Variants in GPHN observed in about 807,000 individuals in gnomAD.
The protein encoded by GPHN is gephyrin.
A neutral mutation model predicts 95.5 loss-of-function variants in GPHN; 17 were observed. The observed-to-expected ratio is 0.18, with a 90% CI of 0.12 to 0.27. GPHN has a LOEUF of 0.27. GPHN is among the 10% of genes least tolerant of loss of function. The pLI, the probability that GPHN is intolerant of heterozygous loss-of-function variation, is 1.00. For synonymous variants in GPHN, 320 were observed against 322.5 expected, an observed-to-expected ratio of 0.99 and a Z score of 0.08; for missense variants, 660 against 978.1, an observed-to-expected ratio of 0.67 and a Z score of 4.34.
chr14:67,700,071 C>T, the GPHN span, among the ~76,000 whole-genome samples: 6 of 150,858 alleles, frequency 4.0e-5, no homozygotes, highest in Non-Finnish European at 8.8e-5. Flanking sequence ...ACCTGGGAGG[C>T]GGAGGTTGCA....
At chr14:67,651,297 G>A in the GPHN span, 3 of 1,604,174 alleles carry the variant, frequency 1.9e-6, no homozygotes, top group Non-Finnish European at 1.7e-6. Flanking sequence ...TCAGCCCACA[G>A]CAGCAATATG....
At chr14:67,013,867 A>C (rs1247206363) in intron 9 of GPHN, among the ~76,000 whole-genome samples, 1 of 152,080 alleles carries the variant, frequency 6.6e-6, no homozygotes, top group African/African-American at 2.4e-5. Flanking sequence ...TCAGTATTTC[A>C]AACTTCATGC....
chr14:67,157,428 G>A (rs1485213605), intron 18 of GPHN, among the ~76,000 whole-genome samples: 5 of 152,160 alleles, frequency 3.3e-5, no homozygotes, highest in Non-Finnish European at 7.3e-5. Flanking sequence ...GAGTTCAGAG[G>A]AGGCTGAGAA....
intron 2 of GPHN, among the ~76,000 whole-genome samples, chr14:66,727,175 T>A (rs963107419): frequency 1.3e-5 from 2 of 152,204 alleles, no homozygotes; most frequent in African/African-American, 4.8e-5. Flanking sequence ...GCTGCCATCT[T>A]AGTAAGACGT....
intron 5 of GPHN, among the ~76,000 whole-genome samples, chr14:66,905,740 T>G (rs2065347647): frequency 6.6e-6 from 1 of 152,108 alleles, no homozygotes; most frequent in African/African-American, 2.4e-5. Context: ...CTCTCATACC[T>G]TGGTAGTCCC....
chr14:67,074,677 G>A (rs2076428594), intron 11 of GPHN, among the ~76,000 whole-genome samples: 1 of 152,134 alleles, frequency 6.6e-6, no homozygotes, highest in African/African-American at 2.4e-5. Flanking sequence ...AGAAACCTAG[G>A]CCGCTGGTGC....
At chr14:67,647,937 T>C in the GPHN span, 1 of 1,063,424 alleles carries the variant, frequency 9.4e-7, no homozygotes, top group African/African-American at 1.6e-5. Context: ...AACAAAGTAC[T>C]AGGACTAATA....
the GPHN span, chr14:67,279,652 C>G: frequency 9.7e-7 from 1 of 1,033,180 alleles, no homozygotes; most frequent in East Asian, 2.7e-5. Flanking sequence ...AGTTTGAATT[C>G]CAGACCAAGA....
the GPHN span, among the ~76,000 whole-genome samples, chr14:67,574,621 A>G: frequency 6.6e-5 from 10 of 152,342 alleles, no homozygotes; most frequent in Admixed American, 1.3e-4. The surrounding 1 kb of genome is among the most constrained non-coding windows in gnomAD (Gnocchi z 4.2). Context: ...TGGAACAACT[A>G]TTCTCAAGAA....
At chr14:66,525,298 T>G (rs912519168) in intron 1 of GPHN, among the ~76,000 whole-genome samples, 4 of 152,244 alleles carry the variant, frequency 2.6e-5, no homozygotes, top group Non-Finnish European at 4.4e-5. Flanking sequence ...TGTCTTCTTT[T>G]GAGAAGTGTC....
At chr14:66,713,666 G>A (rs184449744) in intron 2 of GPHN, among the ~76,000 whole-genome samples, 1 of 151,728 alleles carries the variant, frequency 6.6e-6, no homozygotes, top group East Asian at 1.9e-4. Flanking sequence ...CTAATTTGGT[G>A]AAGAATGATG....
rs1268915230 is a variant in GPHN, at chr14:66,822,749, A to G, written c.202-1725A>G. Among the ~76,000 whole-genome samples, 3 of 152,212 alleles carry G rather than the reference A, an allele frequency of 2.0e-5. No homozygotes were observed. In the East Asian group the frequency reaches 5.8e-4, roughly 29 times the overall value. ...TTAATACTGAAAGTTGGTATTTGAT[A>G]TAGATAAACATTTTGGTGTTGAGAT... On this transcript the variant is annotated intron_variant, in intron 3 of 22. Transcript: ENST00000478722.
At chr14:66,768,952 G>C (rs2059062885) in intron 2 of GPHN, among the ~76,000 whole-genome samples, 1 of 151,906 alleles carries the variant, frequency 6.6e-6, no homozygotes, top group African/African-American at 2.4e-5. Flanking sequence ...TTGTCTGCTA[G>C]GATCATTAGA....
At chr14:67,640,194 A>G in the GPHN span, among the ~76,000 whole-genome samples, 4 of 151,992 alleles carry the variant, frequency 2.6e-5, no homozygotes, top group Non-Finnish European at 5.9e-5. Context: ...GCCTGTTGTC[A>G]TATTTTTCTC....
the GPHN span, among the ~76,000 whole-genome samples, chr14:67,594,127 C>A: frequency 6.6e-6 from 1 of 152,278 alleles, no homozygotes; most frequent in Non-Finnish European, 1.5e-5. Context: ...CTAGGGGAAA[C>A]CTCCATCAGC....
chr14:67,578,766 C>A, the GPHN span: 2 of 686,538 alleles, frequency 2.9e-6, no homozygotes, highest in Admixed American at 2.1e-5. This position sits in a 1 kb window ranked among gnomAD's most constrained non-coding sequence, Gnocchi z 5.0. Context: ...GGAGACTTCA[C>A]CCATTGCCGT....
the GPHN span, among the ~76,000 whole-genome samples, chr14:67,725,461 A>G: frequency 6.6e-6 from 1 of 152,230 alleles, no homozygotes; most frequent in East Asian, 1.9e-4. Context: ...CGCCTCAGCA[A>G]TGGGAATGTC....
At position 66,924,185 on chromosome 14, in the gene GPHN, G is replaced by A. The variant is rs543454860; in HGVS notation, c.730-9G>A. 3.4e-6 allele frequency: 5 copies of A among 1,475,238 alleles called. No individual in the cohort carries two copies. The highest frequency in any genetic ancestry group is 2.3e-5 in the South Asian group (2 of 88,256). The allele number at this position is 1,475,238 out of a possible 1,614,324, so 91.4% of individuals were successfully genotyped here. Reference sequence around the variant, plus strand: ...ACTATATTCATAGTTGTTATGTGTTGTGCATTAGAAGCATCCATTCTACAC... The same window carrying A: ...ACTATATTCATAGTTGTTATGTGTTATGCATTAGAAGCATCCATTCTACAC... On this transcript the variant is annotated splice_polypyrimidine_tract_variant and intron_variant, in intron 7 of 22. Transcript: ENST00000478722.
chr14:66,979,624 T>A (rs1348957472), intron 9 of GPHN, among the ~76,000 whole-genome samples: 1 of 152,216 alleles, frequency 6.6e-6, no homozygotes, highest in African/African-American at 2.4e-5. Flanking sequence ...TCACTCAGAC[T>A]TTCTCCATAT....
Sources: allele counts gnomAD v4.1 joint callset (sites outside exome capture counted in the v4.1 genomes callset), GRCh38; gene constraint gnomAD v4.1.1; non-coding constraint Gnocchi (gnomAD v3.1); transcripts MANE v1.5; gene names NCBI Gene and HGNC (gene_info 2026-07-23, HGNC 2026-07-21).